CDH13: variants seen among roughly 807,000 people sequenced by gnomAD.
CDH13 encodes cadherin 13.
CDH13 carries 24 observed loss-of-function variants against 63.8 expected under a neutral mutation model. That is an observed-to-expected ratio of 0.38 (90% confidence interval 0.27 to 0.53). The LOEUF (loss-of-function observed/expected upper bound fraction) is 0.53. Ranked by LOEUF, CDH13 falls within the 20% of genes least tolerant of loss-of-function variation. CDH13 has a pLI of 0.85. For synonymous variants in CDH13, 503 were observed against 355.3 expected, an observed-to-expected ratio of 1.42 and a Z score of -4.67; for missense variants, 1,049 against 903.1, an observed-to-expected ratio of 1.16 and a Z score of -2.07.
At chr16:83,021,290 G>A (rs796520129) in intron 2 of CDH13, among the ~76,000 whole-genome samples, 2 of 152,276 alleles carry the variant, frequency 1.3e-5, no homozygotes, top group African/African-American at 4.8e-5. Flanking sequence ...AGTATGTACT[G>A]TGTCAAGCAC....
chr16:83,195,192 G>C (rs1472234509), intron 4 of CDH13, among the ~76,000 whole-genome samples: 1 of 152,112 alleles, frequency 6.6e-6, no homozygotes, highest in African/African-American at 2.4e-5. Context: ...TGATTGAAGT[G>C]GTTGTTAAAT....
intron 12 of CDH13, 138 bp downstream of exon 12, chr16:83,780,339 G>T: frequency 1.6e-6 from 1 of 610,714 alleles, no homozygotes; most frequent in Non-Finnish European, 2.8e-6. Flanking sequence ...TATAAATACT[G>T]AGAATTTTCC....
intron 7 of CDH13, among the ~76,000 whole-genome samples, chr16:83,543,599 A>T (rs778801097): frequency 3.3e-5 from 5 of 152,112 alleles, no homozygotes; most frequent in Admixed American, 2.6e-4. Flanking sequence ...ATCACTGTTA[A>T]TTTTCACCTA....
chr16:83,034,028 C>G (rs1489364968), intron 3 of CDH13, among the ~76,000 whole-genome samples: 1 of 152,102 alleles, frequency 6.6e-6, no homozygotes, highest in African/African-American at 2.4e-5. Context: ...AGAGACAGTA[C>G]AACTGGCAAT....
At chr16:83,179,740 C>G (rs1160058364) in intron 4 of CDH13, among the ~76,000 whole-genome samples, 1 of 152,110 alleles carries the variant, frequency 6.6e-6, no homozygotes, top group African/African-American at 2.4e-5. Context: ...TTCGTCTCCC[C>G]AGATTTCTGG....
intron 7 of CDH13, among the ~76,000 whole-genome samples, chr16:83,565,590 G>A (rs1598298669): frequency 6.6e-6 from 1 of 151,968 alleles, no homozygotes; most frequent in African/African-American, 2.4e-5. Context: ...TGAGCAATGC[G>A]ATCTTTATGT....
chr16:83,725,889 G>A (rs1720884816), intron 10 of CDH13: 1 of 152,172 alleles, frequency 6.6e-6, no homozygotes, highest in Admixed American at 6.5e-5. Context: ...ACTGATAAAT[G>A]GATATTGTAC....
At chr16:83,381,420 T>G (rs922677077) in intron 6 of CDH13, among the ~76,000 whole-genome samples, 3 of 152,082 alleles carry the variant, frequency 2.0e-5, no homozygotes, top group African/African-American at 7.2e-5. Flanking sequence ...TGACTTTCAG[T>G]GTTGTGCGTT....
At chr16:83,035,420 C>A (rs989961520) in intron 3 of CDH13, among the ~76,000 whole-genome samples, 3 of 152,160 alleles carry the variant, frequency 2.0e-5, no homozygotes, top group Admixed American at 6.5e-5. Context: ...AGGTGTTGCT[C>A]CATGGGCTAC....
chr16:82,634,486 G>T (rs534155114), intron 1 of CDH13, among the ~76,000 whole-genome samples: 151 of 152,300 alleles, frequency 9.9e-4, no homozygotes, highest in African/African-American at 3.4e-3. Context: ...GCCATCAGCC[G>T]TCGGGCATCT....
intron 8 of CDH13, among the ~76,000 whole-genome samples, chr16:83,669,431 A>G (rs564406251): frequency 6.6e-6 from 1 of 152,328 alleles, no homozygotes; most frequent in South Asian, 2.1e-4. Context: ...AGAAGATAGA[A>G]GATAGGTAGA....
chr16:82,731,739 G>C (rs2151036799), intron 1 of CDH13, among the ~76,000 whole-genome samples: 1 of 152,330 alleles, frequency 6.6e-6, no homozygotes. Flanking sequence ...AATTGGCTGT[G>C]TGTACAATTT....
chr16:82,633,586 C>G (rs1908294368), intron 1 of CDH13, among the ~76,000 whole-genome samples: 1 of 152,170 alleles, frequency 6.6e-6, no homozygotes, highest in South Asian at 2.1e-4. Context: ...ACTGTCTTGG[C>G]CAGGCTGGTC....
Position 83,531,990 on chromosome 16 carries a change from T to C in CDH13, c.960+45335T>C, listed in dbSNP as rs527251767. Among the ~76,000 whole-genome samples, 3 of 152,252 alleles carry C rather than the reference T, an allele frequency of 2.0e-5. No homozygotes were observed. In the South Asian group the frequency reaches 6.2e-4, roughly 32 times the overall value. On this transcript the variant is annotated intron_variant, in intron 7 of 13. Transcript: ENST00000567109. ...CCCATGTGTTATGGGAGGCACCCGG[T>C]GGGAGGTAATTGAATCATGGGGGCA...
intron 6 of CDH13, among the ~76,000 whole-genome samples, chr16:83,461,317 T>C (rs2073176842): frequency 6.6e-6 from 1 of 152,168 alleles, no homozygotes; most frequent in Non-Finnish European, 1.5e-5. Context: ...GGCATGAATC[T>C]TATCTCATTC....
chr16:83,045,377 A>G (rs1477085192), intron 3 of CDH13, among the ~76,000 whole-genome samples: 1 of 152,082 alleles, frequency 6.6e-6, no homozygotes, highest in Non-Finnish European at 1.5e-5. Context: ...GATGGCTCAA[A>G]CCTGTAATCC....
At chr16:82,779,812 G>C (rs1206623322) in intron 1 of CDH13, among the ~76,000 whole-genome samples, 3 of 152,044 alleles carry the variant, frequency 2.0e-5, no homozygotes, top group Non-Finnish European at 4.4e-5. Flanking sequence ...GGAAGTCGAG[G>C]GAGATGACTG....
intron 3 of CDH13, among the ~76,000 whole-genome samples, chr16:83,106,099 C>A (rs969633523): frequency 6.6e-6 from 1 of 152,212 alleles, no homozygotes; most frequent in Non-Finnish European, 1.5e-5. Flanking sequence ...TTAAAATGTT[C>A]ATAACCTTTG....
intron 1 of CDH13, among the ~76,000 whole-genome samples, chr16:82,735,921 G>A (rs186652156): frequency 1.9e-4 from 29 of 152,290 alleles, no homozygotes; most frequent in African/African-American, 4.8e-4. Flanking sequence ...TTGACAGCAC[G>A]AGAAAAACCA....
Sources: gnomAD v4.1 joint callset for allele counts (sites outside exome capture counted in the v4.1 genomes callset) on GRCh38, gnomAD v4.1.1 for gene constraint, MANE v1.5 for transcripts, NCBI Gene and HGNC (gene_info 2026-07-23, HGNC 2026-07-21) for gene names.